DPYD: variants seen among roughly 807,000 people sequenced by gnomAD.
DPYD encodes the protein dihydropyrimidine dehydrogenase [NADP(+)].
Under a neutral mutation model 116.2 loss-of-function variants are expected in DPYD, and 109 were observed. That is an observed-to-expected ratio of 0.94 (90% CI 0.80 to 1.10). DPYD has a LOEUF of 1.10. Among genes scored for constraint, DPYD ranks in the 50% least tolerant of loss-of-function variants. The pLI is 0.00. For synonymous variants in DPYD, 440 were observed against 432.0 expected, an observed-to-expected ratio of 1.02 and a Z score of -0.23; for missense variants, 1,302 against 1,254.5, an observed-to-expected ratio of 1.04 and a Z score of -0.57.
Position 97,106,441 on chromosome 1 carries a change from A to G in DPYD, c.2623-7809T>C, listed in dbSNP as rs554915261. 5.3e-5 allele frequency among the ~76,000 whole-genome samples: 8 copies of G among 152,258 alleles called. No individual in the cohort carries two copies. In the South Asian group the frequency reaches 6.2e-4, roughly 12 times the overall value. On this transcript the variant is annotated intron_variant, in intron 20 of 22. Transcript: ENST00000370192. ...AGAGAATGTGGGCGGGCATCCCCCA[A>G]TTGGTTGATGGACTGCATAGAACAG...
chr1:97,327,479 C>T (rs1243145902), intron 16 of DPYD, among the ~76,000 whole-genome samples: 1 of 151,726 alleles, frequency 6.6e-6, no homozygotes, highest in African/African-American at 2.4e-5. Flanking sequence ...CAAATACCAA[C>T]TTGAATAAAG....
At chr1:97,830,361 T>G (rs1043582629) in intron 2 of DPYD, among the ~76,000 whole-genome samples, 2 of 152,160 alleles carry the variant, frequency 1.3e-5, no homozygotes, top group Non-Finnish European at 2.9e-5. Flanking sequence ...GGAAGATTAC[T>G]TGACTATCTA....
chr1:97,613,958 CA>C (rs1256898912), intron 8 of DPYD, among the ~76,000 whole-genome samples: 2 of 151,908 alleles, frequency 1.3e-5, no homozygotes, highest in African/African-American at 4.8e-5. Flanking sequence ...CACGAAGAGC[CA>C]GGGGGAGGGA....
intron 3 of DPYD, among the ~76,000 whole-genome samples, chr1:97,794,725 G>A (rs1410672912): frequency 1.3e-5 from 2 of 151,688 alleles, no homozygotes; most frequent in East Asian, 1.9e-4. Flanking sequence ...TATACTTTTC[G>A]GAAAAAAGTC....
intron 10 of DPYD, among the ~76,000 whole-genome samples, chr1:97,582,653 A>T (rs1206663558): frequency 2.6e-5 from 4 of 152,216 alleles, no homozygotes; most frequent in Non-Finnish European, 4.4e-5. Context: ...GTTTGCTGAG[A>T]CCACAAATTG....
chr1:97,143,207 T>C (rs1324927021), intron 20 of DPYD, among the ~76,000 whole-genome samples: 1 of 152,092 alleles, frequency 6.6e-6, no homozygotes, highest in Admixed American at 6.6e-5. Flanking sequence ...ATTTTGAAAA[T>C]AAGTCACTTT....
chr1:97,850,614 A>G (rs541970219), intron 2 of DPYD, among the ~76,000 whole-genome samples: 152 of 152,228 alleles, frequency 1.0e-3, no homozygotes, highest in Non-Finnish European at 1.9e-3. Flanking sequence ...GAATAGAAGG[A>G]AAAATGAGAA....
intron 14 of DPYD, among the ~76,000 whole-genome samples, chr1:97,435,324 G>A (rs1395666516): frequency 2.2e-4 from 33 of 151,732 alleles, no homozygotes; most frequent in Admixed American, 2.2e-3. Flanking sequence ...TACCAAAATG[G>A]CCCTCATTCT....
chr1:97,832,995 G>GAAAAAAAAAAAAA (rs1161903108), intron 2 of DPYD, among the ~76,000 whole-genome samples: 4 of 59,010 alleles, frequency 6.8e-5, no homozygotes, highest in South Asian at 4.7e-4. Flanking sequence ...AAGAGGCAAA[G>GAAAAAAAAAAAAA]AAAAAAAAAA....
At chr1:97,249,698 T>C (rs751978986) in intron 18 of DPYD, among the ~76,000 whole-genome samples, 3 of 152,138 alleles carry the variant, frequency 2.0e-5, no homozygotes, top group Non-Finnish European at 2.9e-5. Flanking sequence ...ACATATATTT[T>C]AAAACGAACT....
At chr1:97,774,169 A>AG (rs2101174552) in intron 3 of DPYD, among the ~76,000 whole-genome samples, 1 of 152,242 alleles carries the variant, frequency 6.6e-6, no homozygotes, top group Admixed American at 6.5e-5. Context: ...ATGCCCTGTG[A>AG]GGGGGATAAG....
intron 12 of DPYD, among the ~76,000 whole-genome samples, chr1:97,534,215 C>T (rs370308698): frequency 1.3e-5 from 2 of 152,252 alleles, no homozygotes; most frequent in South Asian, 4.1e-4. Flanking sequence ...TTGAAGGCTA[C>T]ATTCTCACAG....
intron 8 of DPYD, among the ~76,000 whole-genome samples, chr1:97,668,467 T>C (rs1397385905): frequency 1.3e-5 from 2 of 152,150 alleles, no homozygotes; most frequent in Non-Finnish European, 2.9e-5. Context: ...CTATTTATTA[T>C]ATTTATATGC....
chr1:97,219,220 A>G (rs907363501), intron 19 of DPYD, among the ~76,000 whole-genome samples: 4 of 152,208 alleles, frequency 2.6e-5, no homozygotes, highest in Non-Finnish European at 5.9e-5. Flanking sequence ...CATGAATGGA[A>G]ACTCTTAGAG....
At chr1:97,144,709 C>A (rs1161772945) in intron 20 of DPYD, among the ~76,000 whole-genome samples, 2 of 152,180 alleles carry the variant, frequency 1.3e-5, no homozygotes, top group Non-Finnish European at 1.5e-5. Flanking sequence ...GAAACACCAA[C>A]TATTCAGAGT....
intron 2 of DPYD, among the ~76,000 whole-genome samples, chr1:97,849,505 T>A (rs12073487): frequency 0.21 from 31,813 of 151,980 alleles, 3,546 homozygotes; most frequent in South Asian, 0.24. Flanking sequence ...CATTCATTTT[T>A]TTTTTTTTCG....
At chr1:97,700,440 C>T in intron 5 of DPYD, 1 of 362,706 alleles carries the variant, frequency 2.8e-6, no homozygotes, top group South Asian at 2.2e-5. Flanking sequence ...AGCCCTAGTA[C>T]ACACCTCAGT....
chr1:97,518,382 C>A (rs755199447), intron 12 of DPYD, among the ~76,000 whole-genome samples: 1 of 152,058 alleles, frequency 6.6e-6, no homozygotes, highest in Non-Finnish European at 1.5e-5. Flanking sequence ...CGTGCTATAG[C>A]AACTCAGTCT....
chr1:97,519,033 TTAATTTTTAAATTTTTGCTTATTA>T (rs1205806383), intron 12 of DPYD, among the ~76,000 whole-genome samples: 1 of 152,158 alleles, frequency 6.6e-6, no homozygotes, highest in Non-Finnish European at 1.5e-5. Context: ...TAGATGACCT[TTAATTTTTAAATTTTTGCTTATTA>T]TAATTTTCAT....
Sources: gnomAD v4.1 joint callset for allele counts (sites outside exome capture counted in the v4.1 genomes callset) on GRCh38, gnomAD v4.1.1 for gene constraint, MANE v1.5 for transcripts, NCBI Gene and HGNC (gene_info 2026-07-23, HGNC 2026-07-21) for gene names.